Variants in MYO5C observed in about 807,000 individuals in gnomAD.
MYO5C encodes myosin VC.
MYO5C carries 194 observed loss-of-function variants against 235.7 expected under a neutral mutation model. The ratio of observed to expected loss-of-function variants is 0.82; its 90% confidence interval spans 0.73 to 0.93. The LOEUF (loss-of-function observed/expected upper bound fraction) is 0.93, where lower values mean the gene tolerates loss of function less well. Ranked by LOEUF, MYO5C falls within the 40% of genes least tolerant of loss-of-function variation. The pLI is 0.00. For synonymous variants in MYO5C, 707 were observed against 754.8 expected (o/e 0.94, Z 1.04); for missense variants, 2,038 against 2,127.2 (o/e 0.96, Z 0.82).
Position 52,210,723 on chromosome 15 carries a change from TA to T in MYO5C, c.4296+1006del, listed in dbSNP as rs573136900. 9.7e-4 allele frequency among the ~76,000 whole-genome samples: 147 copies of T among 152,294 alleles called. 2 individuals are homozygous for T. Among genetic ancestry groups the T allele is most frequent in the Admixed American group, 8.0e-3 (123 of 15,294 alleles). On this transcript the variant is annotated intron_variant, in intron 35 of 40. Coordinates refer to ENST00000261839, the MANE Select transcript of MYO5C (RefSeq NM_018728.4). ...CTGTAAGCAAGGATCCAGGTCTGCTTAAAAAAATCTTCAATGCTTAGATACA... is the reference window on the plus strand; with the variant it reads ...CTGTAAGCAAGGATCCAGGTCTGCTTAAAAAATCTTCAATGCTTAGATACA...
intron 8 of MYO5C, 82 bp downstream of exon 8, chr15:52,269,671 G>A (rs972891027): frequency 2.0e-5 from 18 of 894,408 alleles, no homozygotes; most frequent in Middle Eastern, 2.3e-4. Context: ...GATTACAGGT[G>A]TGAGCCACCA....
At chr15:52,197,836 A>G (rs1178631896) in intron 38 of MYO5C, among the ~76,000 whole-genome samples, 2 of 151,932 alleles carry the variant, frequency 1.3e-5, no homozygotes, top group African/African-American at 2.4e-5. Context: ...GGGTTTCACC[A>G]TGTTGGCCAG....
At chr15:52,263,200 T>C (rs1255623811) in intron 9 of MYO5C, among the ~76,000 whole-genome samples, 2 of 152,192 alleles carry the variant, frequency 1.3e-5, no homozygotes, top group Non-Finnish European at 2.9e-5. Flanking sequence ...AGGACAGACA[T>C]GTTATTGTTA....
chr15:52,220,321 C>CA (rs2035647581), intron 30 of MYO5C, among the ~76,000 whole-genome samples: 1 of 152,138 alleles, frequency 6.6e-6, no homozygotes, highest in Non-Finnish European at 1.5e-5. Context: ...GGGCAACAAT[C>CA]AGTGGAGCTT....
chr15:52,242,332 C>T (rs1315781431), intron 19 of MYO5C, 119 bp from the exon 20 acceptor site: 1 of 1,090,322 alleles, frequency 9.2e-7, no homozygotes, highest in African/African-American at 1.6e-5. Flanking sequence ...TACACCTCTC[C>T]ACATTAAACT....
Position 52,251,508 on chromosome 15 carries a change from T to C in MYO5C, c.1544A>G (p.His515Arg), listed in dbSNP as rs373993429. 1.3e-5 allele frequency: 21 copies of C among 1,595,682 alleles called. No individual in the cohort carries two copies. Among genetic ancestry groups the C allele is most frequent in the Non-Finnish European group, 1.7e-5 (20 of 1,170,790 alleles). ...TTGAAGCCAGTTTTCATCAGTTCCA[T>C]GTGGTAACTGGAAAAGAAAAATAAA... ...ELLDEECLLP[H>R]GTDENWLQKL... The change falls in exon 13 of 41, where the codon CAT becomes CGT. Residue 515 changes from histidine to arginine, a missense_variant. Transcript: ENST00000261839.
Position 52,279,688 on chromosome 15 carries a change from TA to T in MYO5C, c.139-15del, listed in dbSNP as rs771614874. On this transcript the variant is annotated splice_polypyrimidine_tract_variant and intron_variant, in intron 2 of 40. Transcript: ENST00000261839. ...ATAATCCAGCTCCTATGGACAAAGA[TA>T]AAAATTAAAGCTCTGGAAATAAAAG... 1 of 1,596,540 alleles carries T rather than the reference TA, an allele frequency of 6.3e-7. No homozygotes were observed. Among genetic ancestry groups the T allele is most frequent in the Non-Finnish European group, 8.6e-7 (1 of 1,166,096 alleles).
chr15:52,269,967 TAC>T (rs1425693245), intron 7 of MYO5C, 107 bp from the exon 8 acceptor site: 1 of 782,980 alleles, frequency 1.3e-6, no homozygotes, highest in African/African-American at 1.7e-5. Flanking sequence ...TCATGCACTT[TAC>T]ACAGTTTATT....
In MYO5C at chr15:52,245,893, T is replaced by C. The variant is rs1438851169; in HGVS notation, c.2066+63A>G. On this transcript the variant is annotated intron_variant, in intron 17 of 40. Coordinates refer to ENST00000261839, the MANE Select transcript of MYO5C (RefSeq NM_018728.4). The stretch of plus-strand genomic sequence containing the variant: ...ACAAAAATCATGGCAGCCATGTCCT[T>C]GGTTCTCAGCATAGCTCTGATGTCA... 3.4e-6 allele frequency: 5 copies of C among 1,457,518 alleles called. No individual in the cohort carries two copies. The Admixed American group carries it at 8.6e-5, about 25-fold the overall frequency. 90.3% of individuals were successfully genotyped at this position (1,457,518 alleles called of 1,614,324 possible). A position where few individuals can be genotyped will look rare whatever the true frequency, so the allele number is the denominator to read the frequency against.
Position 52,224,886 on chromosome 15 carries a change from A to T in MYO5C, c.3446+15T>A. ...CTCTGAAAAATAAAGAAGATCCCTG[A>T]GGAGAATTTCTAACCGTGTTGCTTT... On this transcript the variant is annotated intron_variant, in intron 28 of 40. Transcript: ENST00000261839. The T allele has an allele frequency of 1.2e-6, 2 of 1,602,898 alleles. No individual in the cohort carries two copies. Among genetic ancestry groups the T allele is most frequent in the Non-Finnish European group, 1.7e-6 (2 of 1,173,232 alleles).
chr15:52,263,340 C>T (rs2036732718), intron 9 of MYO5C, among the ~76,000 whole-genome samples: 1 of 152,300 alleles, frequency 6.6e-6, no homozygotes, highest in African/African-American at 2.4e-5. Flanking sequence ...AATCACTACT[C>T]ATAGTATATG....
rs75396623 is a variant in MYO5C at position 52,246,668 on chromosome 15, G to C, written c.1979+249C>G. Among the ~76,000 whole-genome samples, 723 of 152,190 alleles carry C rather than the reference G, an allele frequency of 4.8e-3. 1 individual carries two copies. The highest frequency in any genetic ancestry group is 8.1e-3 in the Admixed American group (124 of 15,282). ...CATTCTTCTTTTAATCAAGTAAAAG[G>C]TTCAAGTTGCAAAAACTTTAGTTGT... On this transcript the variant is annotated intron_variant, in intron 16 of 40. Coordinates refer to ENST00000261839, the MANE Select transcript of MYO5C (RefSeq NM_018728.4).
intron 33 of MYO5C, among the ~76,000 whole-genome samples, chr15:52,214,127 G>T (rs2035505230): frequency 6.6e-6 from 1 of 152,194 alleles, no homozygotes; most frequent in Non-Finnish European, 1.5e-5. Context: ...GAAGCAGAAG[G>T]AGGGAAGAAG....
At chr15:52,243,877 C>T (rs894618426) in intron 19 of MYO5C, among the ~76,000 whole-genome samples, 8 of 152,206 alleles carry the variant, frequency 5.3e-5, no homozygotes, top group African/African-American at 1.9e-4. Flanking sequence ...TGTGGTCTTC[C>T]TGCTTAGGGG....
At chr15:52,274,598 A>T (rs2036997892) in intron 5 of MYO5C, among the ~76,000 whole-genome samples, 1 of 151,620 alleles carries the variant, frequency 6.6e-6, no homozygotes, top group Admixed American at 6.6e-5. Flanking sequence ...TTCTATTGGT[A>T]TCTTGGATTG....
In MYO5C at chr15:52,239,753, G is replaced by A. The variant is rs765508375; in HGVS notation, c.2683C>T (p.Gln895Ter). Reference protein sequence around the residue: ...IQLTYRVQRLQKKLEDQNKEN... With the variant: ...IQLTYRVQRL ...CCTACCTGATCTTCCAACTTTTTCT[G>A]CAAACGCTGGACCCTGTAAGTAAGC... The change falls in exon 21 of 41, where the codon CAG becomes TAG. Residue 895 changes from glutamine (Q) to a stop codon, truncating the protein, a stop_gained. Transcript: ENST00000261839. LOFTEE classifies it high-confidence loss of function. The A allele has an allele frequency of 5.6e-6, 9 of 1,598,050 alleles. No homozygotes were observed. The South Asian group carries it at 1.0e-4, about 18-fold the overall frequency.
At chr15:52,252,900 TAAG>T (rs2036503773) in intron 12 of MYO5C, among the ~76,000 whole-genome samples, 1 of 152,230 alleles carries the variant, frequency 6.6e-6, no homozygotes, top group Non-Finnish European at 1.5e-5. Context: ...AGGGAAATGG[TAAG>T]AAGAAAACTC....
rs780123270 is a variant in MYO5C at position 52,205,966 on chromosome 15, C to A, written c.4387G>T (p.Glu1463Ter). The change falls in exon 37 of 41, where the codon GAA (glutamate) becomes TAA (stop). Residue 1463 changes from glutamate (E) to a stop codon, truncating the protein, a stop_gained and splice_region_variant. Coordinates refer to ENST00000261839, the MANE Select transcript of MYO5C (RefSeq NM_018728.4). LOFTEE classifies it high-confidence loss of function. ...TGTGGACTATTATGCTTCATGAATT[C>A]CTAAAAGTAATTTTAAACATAAAAT... ...NCLKQYSGEE[E>*]FMKHNSPQQN... 1.3e-5 allele frequency: 20 copies of A among 1,509,510 alleles called. No homozygotes were observed. Among genetic ancestry groups the A allele is most frequent in the East Asian group, 2.3e-5 (1 of 43,118 alleles). The allele number at this position is 1,509,510 out of a possible 1,614,324, so 93.5% of individuals were successfully genotyped here. A position where few individuals can be genotyped will look rare whatever the true frequency, so the allele number is the denominator to read the frequency against.
At chr15:52,274,180 A>T (rs1439994156) in intron 5 of MYO5C, among the ~76,000 whole-genome samples, 1 of 152,162 alleles carries the variant, frequency 6.6e-6, no homozygotes, top group African/African-American at 2.4e-5. Context: ...AACCAAATAG[A>T]TACAGTCCCG....
Sources: allele counts gnomAD v4.1 joint callset (sites outside exome capture counted in the v4.1 genomes callset), GRCh38; gene constraint gnomAD v4.1.1; transcripts MANE v1.5; gene names NCBI Gene and HGNC (gene_info 2026-07-23, HGNC 2026-07-21).